The following COL27A1 variants were observed in gnomAD, a reference collection of about 807,000 sequenced individuals.
COL27A1 encodes collagen alpha-1(XXVII) chain.
A neutral mutation model predicts 251.3 loss-of-function variants in COL27A1; 106 were observed. That is an observed-to-expected ratio of 0.42 (90% CI 0.36 to 0.50). The LOEUF (loss-of-function observed/expected upper bound fraction) is 0.50, where lower values mean the gene tolerates loss of function less well. Ranked by LOEUF, COL27A1 falls within the 20% of genes least tolerant of loss-of-function variation. The pLI is 0.00. For missense variants in COL27A1, 2,325 were observed against 2,522.8 expected (o/e 0.92, Z 1.68); for synonymous variants, 1,000 against 986.3 (o/e 1.01, Z -0.26).
chr9:114,233,973 G>A (rs1389684286), intron 16 of COL27A1, among the ~76,000 whole-genome samples: 3 of 151,940 alleles, frequency 2.0e-5, no homozygotes, highest in Non-Finnish European at 4.4e-5. Flanking sequence ...ATCCCTTCAC[G>A]TTCCAAGGTT....
chr9:114,252,398 G>T (rs1052195683), intron 25 of COL27A1, among the ~76,000 whole-genome samples, 195 bp from the exon 26 acceptor site: 3 of 152,160 alleles, frequency 2.0e-5, no homozygotes, highest in Non-Finnish European at 4.4e-5. Context: ...CTTGCCAGAG[G>T]TCTTGGCTTC....
In COL27A1 at chr9:114,168,877, G is replaced by A. The variant is rs142603479; in HGVS notation, c.1322G>A (p.Arg441Gln). 4.9e-5 allele frequency: 79 copies of A among 1,613,794 alleles called. No individual in the cohort carries two copies. Among genetic ancestry groups the A allele is most frequent in the South Asian group, 1.9e-4 (17 of 91,024 alleles). Residue 441 changes from arginine to glutamine, a missense_variant, in exon 3 of 61, where the codon CGG (arginine) becomes CAG (glutamine). Arg to Gln is a conservative substitution (Grantham distance 43, BLOSUM62 1). Coordinates refer to ENST00000356083, the MANE Select transcript of COL27A1 (RefSeq NM_032888.4). Reference sequence around the variant, plus strand: ...CCCAGGCCCCCACCGCCCAGCACCCGGCCCCTACCTCCTACCACCAGCTCC... The same window carrying A: ...CCCAGGCCCCCACCGCCCAGCACCCAGCCCCTACCTCCTACCACCAGCTCC... ...GMPRPPPPST[R>Q]PLPPTTSSSK...
intron 1 of COL27A1, among the ~76,000 whole-genome samples, chr9:114,160,155 ATT>A (rs3034121): frequency 0.031 from 4,381 of 142,282 alleles, 213 homozygotes; most frequent in African/African-American, 0.1. Context: ...TTTAAAGTCT[ATT>A]TTTTTTTTTT....
intron 14 of COL27A1, among the ~76,000 whole-genome samples, chr9:114,225,663 A>C (rs943389891): frequency 2.6e-5 from 4 of 152,236 alleles, no homozygotes; most frequent in African/African-American, 9.6e-5. Flanking sequence ...ACGGTTTTCC[A>C]GAGGATGTGG....
At chr9:114,203,417 C>T (rs927021019) in intron 7 of COL27A1, among the ~76,000 whole-genome samples, 1 of 152,216 alleles carries the variant, frequency 6.6e-6, no homozygotes, top group Non-Finnish European at 1.5e-5. Flanking sequence ...AAATGAGATT[C>T]TCAGAGGTGA....
Position 114,169,146 on chromosome 9 carries a change from A to C in COL27A1, c.1591A>C (p.Thr531Pro), listed in dbSNP as rs1588570588. ...PAVPTPGSAP[T>P]GSKKPIGSEA... is the part of the protein sequence containing the mutation. ...CGTCCCCACTCCTGGCTCAGCTCCCACTGGAAGCAAGAAGCCCATTGGATC... is the reference window on the plus strand; with the variant it reads ...CGTCCCCACTCCTGGCTCAGCTCCCCCTGGAAGCAAGAAGCCCATTGGATC... Residue 531 changes from threonine to proline, a missense_variant, in exon 3 of 61, where the codon ACT (threonine) becomes CCT (proline). Physicochemically the swap from Thr to Pro is conservative, Grantham distance 38. Transcript: ENST00000356083. 6.2e-7 allele frequency: 1 copy of C among 1,613,874 alleles called. No individual in the cohort carries two copies. Among genetic ancestry groups the C allele is most frequent in the African/African-American group, 1.3e-5 (1 of 74,890 alleles).
At position 114,206,267 on chromosome 9, in the gene COL27A1, GT is replaced by G; in HGVS notation, c.2240del (p.Val747GlufsTer79). On this transcript the variant is annotated frameshift_variant, in exon 10 of 61. Coordinates refer to ENST00000356083, the MANE Select transcript of COL27A1 (RefSeq NM_032888.4). LOFTEE classifies it high-confidence loss of function. ...TGTGTTTCAGGGGTTACCTGGACCG[GT>G]AGGAGATCCCGGCCCCAAAGGCAGC... ...YPGRQGLPGP[V>X]GDPGPKGSRG... is the part of the protein sequence containing the mutation. The G allele has an allele frequency of 6.2e-7, 1 of 1,614,158 alleles. No homozygotes were observed. The highest frequency in any genetic ancestry group is 8.5e-7 in the Non-Finnish European group (1 of 1,180,014).
chr9:114,278,889 A>T (rs573809253), intron 37 of COL27A1, among the ~76,000 whole-genome samples: 1 of 152,188 alleles, frequency 6.6e-6, no homozygotes, highest in South Asian at 2.1e-4. Context: ...TTTATGAGCC[A>T]TCGGGGCCTT....
intron 14 of COL27A1, among the ~76,000 whole-genome samples, chr9:114,222,832 A>C (rs1831214200): frequency 6.6e-6 from 1 of 152,144 alleles, no homozygotes; most frequent in African/African-American, 2.4e-5. Flanking sequence ...TAGTTTCCTC[A>C]TCTGTGAAAT....
rs906765136 is a variant in COL27A1, at chr9:114,182,950, C to T, written c.1963-72C>T. 3.9e-6 allele frequency: 5 copies of T among 1,269,674 alleles called. No individual in the cohort carries two copies. In the East Asian group the frequency reaches 9.3e-5, roughly 24 times the overall value. 78.7% of individuals were successfully genotyped at this position (1,269,674 alleles called of 1,614,324 possible). On this transcript the variant is annotated intron_variant, in intron 4 of 60. Transcript: ENST00000356083. ...CAGTGGGTGGAGGGAAGGTGCCAGG[C>T]ATTGCTGTCAGAGGCGAGATGGCCC...
chr9:114,309,533 T>G, intron 60 of COL27A1, 55 bp downstream of exon 60: 1 of 1,374,436 alleles, frequency 7.3e-7, no homozygotes, highest in Non-Finnish European at 1.0e-6. Context: ...GGAAAAACAC[T>G]TGTTTGGAAA....
At position 114,243,507 on chromosome 9, in the gene COL27A1, G is replaced by T. The variant is rs1262562263; in HGVS notation, c.2881G>T (p.Gly961Cys). The stretch of plus-strand genomic sequence containing the variant: ...CCACTTACCTGTCTCTCTGTTGCAG[G>T]GTCAGCCTGGCAGGAAGGGGTTTCC... ...MGPPGAPGLE[G>C]QPGRKGFPGR... Residue 961 changes from glycine (G) to cysteine (C), a missense_variant and splice_region_variant, in exon 23 of 61, where the codon GGT becomes TGT. Physicochemically the swap from Gly to Cys is radical, Grantham distance 159 (BLOSUM62 -3). Coordinates refer to ENST00000356083, the MANE Select transcript of COL27A1 (RefSeq NM_032888.4). The T allele has an allele frequency of 6.2e-7, 1 of 1,613,984 alleles. No homozygotes were observed. The highest frequency in any genetic ancestry group is 8.5e-7 in the Non-Finnish European group (1 of 1,179,928).
rs1258378797 is a variant in COL27A1, at chr9:114,169,110, A to G, written c.1555A>G (p.Thr519Ala). The G allele has an allele frequency of 6.2e-7, 1 of 1,614,044 alleles. No homozygotes were observed. Among genetic ancestry groups the G allele is most frequent in the East Asian group, 2.2e-5 (1 of 44,862 alleles). The change falls in exon 3 of 61, where the codon ACA (threonine) becomes GCA (alanine). Residue 519 changes from threonine to alanine, a missense_variant. By Grantham distance (58) the Thr-to-Ala change is moderately conservative. Coordinates refer to ENST00000356083, the MANE Select transcript of COL27A1 (RefSeq NM_032888.4). ...PPTSGTSTPRTAPAVPTPGSA... is the reference protein window; with the variant it reads ...PPTSGTSTPRAAPAVPTPGSA... ...AACTTCGGGCACCAGCACTCCCAGAACAGCACCTGCCGTCCCCACTCCTGG... is the reference window on the plus strand; with the variant it reads ...AACTTCGGGCACCAGCACTCCCAGAGCAGCACCTGCCGTCCCCACTCCTGG...
chr9:114,168,607 C>G lies in COL27A1; in HGVS notation c.1052C>G (p.Ala351Gly). The G allele has an allele frequency of 6.2e-7, 1 of 1,614,180 alleles. No homozygotes were observed. The highest frequency in any genetic ancestry group is 8.5e-7 in the Non-Finnish European group (1 of 1,180,010). ...VGGSTRTPRPAAAQPSQKITA... is the reference protein window; with the variant it reads ...VGGSTRTPRPGAAQPSQKITA... Reference sequence around the variant, plus strand: ...GGCTCTACCAGAACGCCTCGCCCTGCGGCCGCTCAACCATCACAGAAGATC... The same window carrying G: ...GGCTCTACCAGAACGCCTCGCCCTGGGGCCGCTCAACCATCACAGAAGATC... The change falls in exon 3 of 61, where the codon GCG (alanine) becomes GGG (glycine). Residue 351 changes from alanine (A) to glycine (G), a missense_variant. Ala to Gly is a moderately conservative substitution (Grantham distance 60, BLOSUM62 0). Transcript: ENST00000356083.
At chr9:114,167,596 G>C in intron 2 of COL27A1, 93 bp from the exon 3 acceptor site, 2 of 1,021,916 alleles carry the variant, frequency 2.0e-6, no homozygotes, top group Non-Finnish European at 2.9e-6. Context: ...GTGGGTGGAC[G>C]GTCCACATTG....
At chr9:114,296,277 C>T (rs1268723695) in intron 49 of COL27A1, among the ~76,000 whole-genome samples, 1 of 152,124 alleles carries the variant, frequency 6.6e-6, no homozygotes, top group Non-Finnish European at 1.5e-5. Flanking sequence ...AAGCCACATA[C>T]TGGAAGAAAA....
intron 36 of COL27A1, chr9:114,273,784 T>TG (rs1835309208): frequency 6.6e-6 from 1 of 152,210 alleles, no homozygotes; most frequent in Non-Finnish European, 1.5e-5. Context: ...ACTCCACACC[T>TG]GCTCTGCTCA....
At chr9:114,209,496 G>A in intron 10 of COL27A1, 179 bp from the exon 11 acceptor site, 1 of 780,238 alleles carries the variant, frequency 1.3e-6, no homozygotes, top group Middle Eastern at 2.4e-4. Flanking sequence ...TGCAGTCCAT[G>A]GGCATATACA....
At chr9:114,210,658 C>G (rs10982106) in intron 11 of COL27A1, among the ~76,000 whole-genome samples, 2,023 of 152,316 alleles carry the variant, frequency 0.013, 49 homozygotes, top group African/African-American at 0.045. Flanking sequence ...CTCCCCGCCC[C>G]CTCCCAACCT....
Sources: gnomAD v4.1 joint callset for allele counts (sites outside exome capture counted in the v4.1 genomes callset) on GRCh38, gnomAD v4.1.1 for gene constraint, MANE v1.5 for transcripts, NCBI Gene and HGNC (gene_info 2026-07-23, HGNC 2026-07-21) for gene names.